GRIK2: variants seen among roughly 807,000 people sequenced by gnomAD.
GRIK2 encodes the protein glutamate receptor ionotropic, kainate 2.
In GRIK2, 32 loss-of-function variants were observed where a neutral mutation model predicts 100.3. That is an observed-to-expected ratio of 0.32 (90% CI 0.24 to 0.43). The LOEUF (loss-of-function observed/expected upper bound fraction) is 0.43. Among genes scored for constraint, GRIK2 ranks in the 20% least tolerant of loss-of-function variants. The probability of loss-of-function intolerance (pLI) is 1.00; values close to 1 mark genes in which losing one functional copy is unlikely to be tolerated. For synonymous variants in GRIK2, 417 were observed against 389.4 expected, an observed-to-expected ratio of 1.07 and a Z score of -0.83; for missense variants, 843 against 1,114.9, an observed-to-expected ratio of 0.76 and a Z score of 3.47.
chr6:102,038,531 C>G (rs975687280), intron 15 of GRIK2, among the ~76,000 whole-genome samples: 1 of 151,306 alleles, frequency 6.6e-6, no homozygotes, highest in Non-Finnish European at 1.5e-5. Context: ...ATCTGCATTT[C>G]TCAACTGGGA....
intron 12 of GRIK2, among the ~76,000 whole-genome samples, chr6:101,907,913 C>T (rs1582507817): frequency 6.6e-6 from 1 of 151,608 alleles, no homozygotes; most frequent in African/African-American, 2.4e-5. Flanking sequence ...TGCATTCACT[C>T]ACTGTTTTTC....
rs79888480 is a variant in GRIK2, at chr6:101,878,252, A to G, written c.1525-11388A>G. On this transcript the variant is annotated intron_variant, in intron 11 of 16. Transcript: ENST00000369134. ...TCTCACTTCCTCAACCATTTACCCA[A>G]TTTCCCATGGAAATTATCAATAGAG... Among the ~76,000 whole-genome samples the G allele has an allele frequency of 1.4e-3, 207 of 151,450 alleles. 1 individual carries two copies. The East Asian group carries it at 0.027, about 20-fold the overall frequency.
intron 2 of GRIK2, among the ~76,000 whole-genome samples, chr6:101,538,375 C>T (rs899222597): frequency 3.3e-5 from 5 of 151,292 alleles, no homozygotes; most frequent in Non-Finnish European, 7.4e-5. Flanking sequence ...TTTTCTCATC[C>T]GAATTTTTCT....
intron 7 of GRIK2, 145 bp downstream of exon 7, chr6:101,686,498 C>T (rs1414002387): frequency 5.2e-6 from 3 of 580,212 alleles, no homozygotes; most frequent in Non-Finnish European, 6.1e-6. Context: ...AATGCAAATA[C>T]TTGTATTAAC....
At chr6:101,499,799 C>T (rs1036213247) in intron 2 of GRIK2, among the ~76,000 whole-genome samples, 2 of 151,950 alleles carry the variant, frequency 1.3e-5, no homozygotes, top group Admixed American at 6.6e-5. Context: ...TTGTAAGATC[C>T]ATTAGGGTGG....
At chr6:101,446,411 C>T (rs2251408) in intron 2 of GRIK2, among the ~76,000 whole-genome samples, 53,796 of 151,518 alleles carry the variant, frequency 0.36, 9,801 homozygotes, top group Admixed American at 0.43. Context: ...CTCCTTATTA[C>T]GACGATAATA....
chr6:101,960,140 G>C (rs1391712336), intron 14 of GRIK2, among the ~76,000 whole-genome samples: 1 of 144,692 alleles, frequency 6.9e-6, no homozygotes, highest in Non-Finnish European at 1.5e-5. Context: ...TAATGGTAAG[G>C]CTTCCAAATG....
intron 4 of GRIK2, among the ~76,000 whole-genome samples, chr6:101,655,827 T>C (rs758606487): frequency 3.3e-5 from 5 of 151,618 alleles, no homozygotes; most frequent in Non-Finnish European, 5.9e-5. Flanking sequence ...TTTTTAGGAG[T>C]TCCCTACAGA....
At chr6:101,480,657 T>C (rs1347588696) in intron 2 of GRIK2, among the ~76,000 whole-genome samples, 1 of 152,150 alleles carries the variant, frequency 6.6e-6, no homozygotes, top group East Asian at 1.9e-4. Flanking sequence ...GATAGAACTT[T>C]TATTTTAGTG....
intron 7 of GRIK2, among the ~76,000 whole-genome samples, chr6:101,793,871 A>G (rs1365835829): frequency 1.3e-5 from 2 of 152,106 alleles, no homozygotes; most frequent in Non-Finnish European, 2.9e-5. Flanking sequence ...ACCCAGTTCA[A>G]GCTTCCTGGC....
chr6:101,515,604 C>T (rs1036912928), intron 2 of GRIK2, among the ~76,000 whole-genome samples: 2 of 152,078 alleles, frequency 1.3e-5, no homozygotes, highest in African/African-American at 4.8e-5. Context: ...TGATTATGGC[C>T]ATTCTTGCAG....
chr6:101,772,839 C>G (rs904793220), intron 7 of GRIK2, among the ~76,000 whole-genome samples: 46 of 152,192 alleles, frequency 3.0e-4, no homozygotes, highest in African/African-American at 1.1e-3. Flanking sequence ...TATTACCCTG[C>G]ATATGGCATT....
chr6:101,436,180 A>G (rs565724730), intron 2 of GRIK2, among the ~76,000 whole-genome samples: 67 of 152,244 alleles, frequency 4.4e-4, no homozygotes, highest in African/African-American at 1.6e-3. Flanking sequence ...GTACATGTGT[A>G]TATACTTAAA....
At chr6:101,827,146 C>T (rs942128486) in intron 10 of GRIK2, among the ~76,000 whole-genome samples, 3 of 151,778 alleles carry the variant, frequency 2.0e-5, no homozygotes, top group Admixed American at 6.6e-5. Flanking sequence ...TTGAAATTCT[C>T]TAAAGTTATG....
At chr6:101,792,848 T>C (rs1446889671) in intron 7 of GRIK2, among the ~76,000 whole-genome samples, 1 of 152,140 alleles carries the variant, frequency 6.6e-6, no homozygotes, top group Non-Finnish European at 1.5e-5. Context: ...GGTACACCAA[T>C]CAGATGTAGA....
intron 2 of GRIK2, among the ~76,000 whole-genome samples, chr6:101,552,628 A>G (rs1035897226): frequency 6.6e-6 from 1 of 152,174 alleles, no homozygotes; most frequent in African/African-American, 2.4e-5. Flanking sequence ...GTGTGCATTT[A>G]GCTTTGTTGG....
At chr6:101,642,406 C>T (rs1370011302) in intron 4 of GRIK2, among the ~76,000 whole-genome samples, 5 of 151,730 alleles carry the variant, frequency 3.3e-5, no homozygotes, top group Non-Finnish European at 5.9e-5. Context: ...ATTTCTCTTT[C>T]CATAGTCTCC....
intron 2 of GRIK2, among the ~76,000 whole-genome samples, chr6:101,475,089 C>T (rs1288861678): frequency 1.3e-5 from 2 of 151,742 alleles, no homozygotes; most frequent in African/African-American, 2.4e-5. Context: ...TCCCTTGAGG[C>T]CTTAGAAAGA....
chr6:101,608,353 C>T (rs1779524400), intron 2 of GRIK2, among the ~76,000 whole-genome samples: 1 of 151,810 alleles, frequency 6.6e-6, no homozygotes, highest in South Asian at 2.1e-4. Flanking sequence ...ATTGTAGAAT[C>T]TCCTCCCAGA....
Sources: allele counts gnomAD v4.1 joint callset (sites outside exome capture counted in the v4.1 genomes callset), GRCh38; gene constraint gnomAD v4.1.1; transcripts MANE v1.5; gene names NCBI Gene and HGNC (gene_info 2026-07-23, HGNC 2026-07-21).